AMBRA1: variants seen among roughly 807,000 people sequenced by gnomAD.
AMBRA1 encodes the protein activating molecule in BECN1-regulated autophagy protein 1.
A neutral mutation model predicts 125.4 loss-of-function variants in AMBRA1; 47 were observed. That is an observed-to-expected ratio of 0.37 (90% CI 0.30 to 0.48). The LOEUF is 0.48. Ranked by LOEUF, AMBRA1 falls within the 20% of genes least tolerant of loss-of-function variation. The pLI is 0.99. For missense variants in AMBRA1, 1,331 were observed against 1,693.4 expected (o/e 0.79, Z 3.76); for synonymous variants, 626 against 655.5 (o/e 0.95, Z 0.69).
chr11:46,483,531 T>G (rs1950153503), intron 11 of AMBRA1, among the ~76,000 whole-genome samples: 1 of 151,970 alleles, frequency 6.6e-6, no homozygotes, highest in Non-Finnish European at 1.5e-5. Flanking sequence ...TCCAGCCAGG[T>G]TGGAATAAAC....
intron 17 of AMBRA1, among the ~76,000 whole-genome samples, chr11:46,399,933 CACTT>C (rs1443765276): frequency 6.7e-5 from 10 of 150,318 alleles, no homozygotes; most frequent in African/African-American, 2.0e-4. Flanking sequence ...TCTCAGCTGT[CACTT>C]GCTTGCTGGG....
intron 7 of AMBRA1, among the ~76,000 whole-genome samples, chr11:46,523,560 T>C (rs1191692366): frequency 6.6e-6 from 1 of 152,210 alleles, no homozygotes; most frequent in Non-Finnish European, 1.5e-5. Context: ...ATTATGCATT[T>C]TCCCCCTGTA....
At chr11:46,520,292 C>T (rs1951700911) in intron 7 of AMBRA1, among the ~76,000 whole-genome samples, 1 of 152,088 alleles carries the variant, frequency 6.6e-6, no homozygotes, top group South Asian at 2.1e-4. Context: ...ATGATAGCCT[C>T]ATTACATGTC....
chr11:46,539,715 T>C (rs929300362), intron 7 of AMBRA1, among the ~76,000 whole-genome samples: 5 of 152,232 alleles, frequency 3.3e-5, no homozygotes, highest in African/African-American at 1.2e-4. Context: ...CTCAACTTTA[T>C]AAAATGGAAA....
intron 1 of AMBRA1, among the ~76,000 whole-genome samples, chr11:46,568,504 A>T (rs892178750): frequency 6.6e-6 from 1 of 151,710 alleles, no homozygotes; most frequent in Non-Finnish European, 1.5e-5. Flanking sequence ...CAGGTGCAAC[A>T]GCTCATGCCT....
intron 7 of AMBRA1, among the ~76,000 whole-genome samples, chr11:46,519,743 T>C (rs1044388728): frequency 1.3e-5 from 2 of 152,228 alleles, no homozygotes; most frequent in African/African-American, 4.8e-5. Flanking sequence ...GCAGGGCATT[T>C]GGTATTCAAG....
intron 11 of AMBRA1, among the ~76,000 whole-genome samples, chr11:46,466,980 C>T (rs1360201240): frequency 3.3e-5 from 5 of 149,690 alleles, no homozygotes; most frequent in Non-Finnish European, 5.9e-5. Flanking sequence ...TGCAGTGGCA[C>T]GATCTTGGCT....
chr11:46,454,771 A>AGG (rs1428092357), intron 11 of AMBRA1, among the ~76,000 whole-genome samples: 1 of 151,942 alleles, frequency 6.6e-6, no homozygotes, highest in Non-Finnish European at 1.5e-5. Context: ...AAATAAAAAA[A>AGG]GAAAGAAAGA....
chr11:46,439,694 A>T (rs1947908961), intron 12 of AMBRA1, among the ~76,000 whole-genome samples: 1 of 152,248 alleles, frequency 6.6e-6, no homozygotes, highest in Non-Finnish European at 1.5e-5. Flanking sequence ...AGCAAAGTCA[A>T]AACTCGAATG....
At chr11:46,428,817 C>G in intron 14 of AMBRA1, 2 of 1,611,412 alleles carry the variant, frequency 1.2e-6, no homozygotes, top group Non-Finnish European at 1.7e-6. Flanking sequence ...GCAGGTCGCT[C>G]ACCCTCCAGA....
At chr11:46,569,917 CA>C (rs1192736607) in intron 1 of AMBRA1, among the ~76,000 whole-genome samples, 1 of 151,982 alleles carries the variant, frequency 6.6e-6, no homozygotes, top group Non-Finnish European at 1.5e-5. Flanking sequence ...GCCAAGATCG[CA>C]CCACTGCACT....
chr11:46,549,826 G>T (rs541929713), intron 1 of AMBRA1, among the ~76,000 whole-genome samples: 329 of 150,368 alleles, frequency 2.2e-3, no homozygotes, highest in African/African-American at 7.8e-3. Flanking sequence ...TTTCTTTTTT[G>T]GGGGGGGTGG....
intron 1 of AMBRA1, among the ~76,000 whole-genome samples, chr11:46,578,293 C>T (rs529215464): frequency 6.6e-6 from 1 of 151,784 alleles, no homozygotes; most frequent in African/African-American, 2.4e-5. Flanking sequence ...TCGAGACCAG[C>T]TGGGTCAACA....
At chr11:46,553,102 C>A (rs1187120734) in intron 1 of AMBRA1, among the ~76,000 whole-genome samples, 2 of 151,696 alleles carry the variant, frequency 1.3e-5, no homozygotes, top group Non-Finnish European at 2.9e-5. Context: ...GCCACCACAC[C>A]CGGCTAATTT....
At chr11:46,504,094 TCTGA>T (rs1317481804) in intron 9 of AMBRA1, among the ~76,000 whole-genome samples, 2 of 152,232 alleles carry the variant, frequency 1.3e-5, no homozygotes, top group African/African-American at 4.8e-5. Flanking sequence ...GCTTCTCTAG[TCTGA>T]CTGTCATTAG....
intron 1 of AMBRA1, among the ~76,000 whole-genome samples, chr11:46,565,320 T>A: frequency 6.6e-6 from 1 of 152,108 alleles, no homozygotes; most frequent in Non-Finnish European, 1.5e-5. Flanking sequence ...TTTTCCTTTT[T>A]TTTTAAATTA....
At chr11:46,498,065 G>C (rs1212329263) in intron 9 of AMBRA1, among the ~76,000 whole-genome samples, 3 of 152,162 alleles carry the variant, frequency 2.0e-5, no homozygotes, top group Non-Finnish European at 2.9e-5. Flanking sequence ...TCAAGCCAAG[G>C]CTCTATGAGA....
At chr11:46,544,720 G>A (rs900613887) in intron 5 of AMBRA1, among the ~76,000 whole-genome samples, 1 of 152,082 alleles carries the variant, frequency 6.6e-6, no homozygotes, top group Non-Finnish European at 1.5e-5. Context: ...AACTAAAAGA[G>A]AGTCTAATGA....
At chr11:46,583,230 G>C (rs2044239661) in intron 1 of AMBRA1, among the ~76,000 whole-genome samples, 1 of 152,106 alleles carries the variant, frequency 6.6e-6, no homozygotes, top group East Asian at 1.9e-4. Flanking sequence ...CGACAAACCT[G>C]AGAAAAACAA....
Sources: allele counts gnomAD v4.1 joint callset (sites outside exome capture counted in the v4.1 genomes callset), GRCh38; gene constraint gnomAD v4.1.1; transcripts MANE v1.5; gene names NCBI Gene and HGNC (gene_info 2026-07-23, HGNC 2026-07-21).